ADAMTS19: variants seen among roughly 807,000 people sequenced by gnomAD.
The protein encoded by ADAMTS19 is A disintegrin and metalloproteinase with thrombospondin motifs 19.
ADAMTS19 carries 93 observed loss-of-function variants against 153.3 expected under a neutral mutation model. The observed-to-expected ratio is 0.61, with a 90% confidence interval of 0.51 to 0.72. ADAMTS19 has a LOEUF of 0.72. Among genes scored for constraint, ADAMTS19 ranks in the 30% least tolerant of loss-of-function variants. The probability of loss-of-function intolerance (pLI) is 0.00; values close to 1 mark genes in which losing one functional copy is unlikely to be tolerated. For synonymous variants in ADAMTS19, 600 were observed against 556.6 expected (o/e 1.08, Z -1.10); for missense variants, 1,482 against 1,552.1 (o/e 0.95, Z 0.76).
intron 7 of ADAMTS19, among the ~76,000 whole-genome samples, chr5:129,554,176 T>A (rs1753233811): frequency 6.6e-6 from 1 of 152,154 alleles, no homozygotes; most frequent in African/African-American, 2.4e-5. Flanking sequence ...CTATGGATTT[T>A]GGAACCAATC....
At chr5:129,587,429 G>A (rs946325720) in intron 7 of ADAMTS19, among the ~76,000 whole-genome samples, 3 of 151,642 alleles carry the variant, frequency 2.0e-5, no homozygotes, top group Admixed American at 6.6e-5. Flanking sequence ...ACCTGCTCAC[G>A]CAAGCCTGGT....
At position 129,526,376 on chromosome 5, in the gene ADAMTS19, G is replaced by A; in HGVS notation, c.1006G>A (p.Val336Ile). The change falls in exon 4 of 23, where the codon GTA (valine) becomes ATA (isoleucine). Residue 336 changes from valine (V) to isoleucine (I), a missense_variant. By Grantham distance (29) the Val-to-Ile change is conservative. Transcript: ENST00000274487. The stretch of plus-strand genomic sequence containing the variant: ...ACCTCAAGAATACAACATAGAGACT[G>A]TAGTGGTTGCAGACCCAGCAATGGT... ...KLPQEYNIETVVVADPAMVSY... is the reference protein window; with the variant it reads ...KLPQEYNIETIVVADPAMVSY... 6.2e-7 allele frequency: 1 copy of A among 1,605,252 alleles called. No homozygotes were observed. Among genetic ancestry groups the A allele is most frequent in the East Asian group, 2.3e-5 (1 of 44,012 alleles).
rs372713956 is a variant in ADAMTS19 at position 129,679,736 on chromosome 5, C to T, written c.2507-28C>T. On this transcript the variant is annotated intron_variant, in intron 16 of 22. Coordinates refer to ENST00000274487, the MANE Select transcript of ADAMTS19 (RefSeq NM_133638.6). ...GATCAATGAAGCTGACTTGTTAATA[C>T]TCATTATATTTTTGAACCTCTTTAT... 5.8e-6 allele frequency: 9 copies of T among 1,543,240 alleles called. No homozygotes were observed. In the South Asian group the frequency reaches 1.1e-4, roughly 19 times the overall value.
rs565286602 is a variant in ADAMTS19, at chr5:129,490,604, A to C, written c.748-18473A>C. On this transcript the variant is annotated intron_variant, in intron 2 of 22. Coordinates refer to ENST00000274487, the MANE Select transcript of ADAMTS19 (RefSeq NM_133638.6). ...ATTATTTTCAGTTGATACATCTACT[A>C]TCCTGCTTGTGAAATATAGAATAAA... 3.8e-4 allele frequency among the ~76,000 whole-genome samples: 58 copies of C among 152,324 alleles called. 1 individual carries two copies. Among genetic ancestry groups the C allele is most frequent in the African/African-American group, 1.3e-3 (54 of 41,568 alleles).
chr5:129,608,116 G>GTGTGTGTATA (rs377008786), intron 8 of ADAMTS19, among the ~76,000 whole-genome samples: 98 of 47,940 alleles, frequency 2.0e-3, no homozygotes, highest in African/African-American at 4.1e-3. Flanking sequence ...GTGTGTGTGT[G>GTGTGTGTATA]TATATATATA....
intron 7 of ADAMTS19, among the ~76,000 whole-genome samples, chr5:129,565,785 A>G (rs990758042): frequency 2.0e-5 from 3 of 152,012 alleles, no homozygotes; most frequent in Non-Finnish European, 4.4e-5. Context: ...AAGCCTTAGT[A>G]TTTTCTTCCA....
At chr5:129,676,778 T>A (rs1005528435) in intron 16 of ADAMTS19, among the ~76,000 whole-genome samples, 6 of 152,206 alleles carry the variant, frequency 3.9e-5, no homozygotes, top group Admixed American at 2.6e-4. Context: ...ATACCTAAAG[T>A]ATTGATTCTT....
intron 7 of ADAMTS19, among the ~76,000 whole-genome samples, chr5:129,563,926 C>T (rs934015196): frequency 6.7e-6 from 1 of 148,760 alleles, no homozygotes; most frequent in Non-Finnish European, 1.5e-5. Context: ...CCAGGTGAAA[C>T]TTTTTTTTTT....
At chr5:129,609,799 T>C (rs1436236827) in intron 8 of ADAMTS19, among the ~76,000 whole-genome samples, 3 of 152,156 alleles carry the variant, frequency 2.0e-5, no homozygotes, top group Admixed American at 1.3e-4. Flanking sequence ...AAGAGATAGC[T>C]TTCTGTTTGC....
chr5:129,528,530 A>G lies in ADAMTS19; in HGVS notation c.1181A>G (p.Tyr394Cys). The change falls in exon 6 of 23, where the codon TAT (tyrosine) becomes TGT (cysteine). Residue 394 changes from tyrosine to cysteine, a missense_variant. Transcript: ENST00000274487. ...TCTGTTCTTTTGCAGCCAGAACTATATATTGGGCATCATGGAGAAAAAATG... is the reference window on the plus strand; with the variant it reads ...TCTGTTCTTTTGCAGCCAGAACTATGTATTGGGCATCATGGAGAAAAAATG... ...ILLHETPPEL[Y>C]IGHHGEKMLE... 3 of 1,600,362 alleles carry G rather than the reference A, an allele frequency of 1.9e-6. No homozygotes were observed. The highest frequency in any genetic ancestry group is 2.2e-5 in the South Asian group (2 of 88,938).
At chr5:129,492,611 GA>G (rs371596035) in intron 2 of ADAMTS19, among the ~76,000 whole-genome samples, 84 of 150,184 alleles carry the variant, frequency 5.6e-4, no homozygotes, top group African/African-American at 1.8e-3. Flanking sequence ...TAATAAATTT[GA>G]AAAAAAAGAG....
intron 8 of ADAMTS19, among the ~76,000 whole-genome samples, chr5:129,608,395 T>C (rs2126947106): frequency 6.6e-6 from 1 of 151,796 alleles, no homozygotes; most frequent in Non-Finnish European, 1.5e-5. Flanking sequence ...AGTCACAAGA[T>C]GTATAAGTAC....
At chr5:129,560,093 T>A (rs894166949) in intron 7 of ADAMTS19, among the ~76,000 whole-genome samples, 2 of 152,230 alleles carry the variant, frequency 1.3e-5, no homozygotes, top group East Asian at 1.9e-4. Flanking sequence ...TAAGTGAGTA[T>A]AAAATCCCAG....
intron 6 of ADAMTS19, among the ~76,000 whole-genome samples, chr5:129,531,281 A>T (rs2126774541): frequency 6.6e-6 from 1 of 152,294 alleles, no homozygotes; most frequent in South Asian, 2.1e-4. Context: ...CTCCAGTACT[A>T]ATTTGTAAAG....
At chr5:129,586,155 T>C (rs934498960) in intron 7 of ADAMTS19, among the ~76,000 whole-genome samples, 8 of 152,230 alleles carry the variant, frequency 5.3e-5, no homozygotes, top group African/African-American at 1.9e-4. Context: ...ATTTTTACAA[T>C]TGGTGACCTT....
intron 15 of ADAMTS19, among the ~76,000 whole-genome samples, chr5:129,660,583 A>G (rs929486202): frequency 4.6e-5 from 7 of 152,140 alleles, no homozygotes; most frequent in Non-Finnish European, 4.4e-5. Context: ...CAGAAATACC[A>G]TTAAAAATCA....
intron 2 of ADAMTS19, among the ~76,000 whole-genome samples, chr5:129,487,769 A>G (rs1031494108): frequency 2.0e-5 from 3 of 152,098 alleles, no homozygotes; most frequent in African/African-American, 4.8e-5. Context: ...AATTAGTTTC[A>G]GTTTGTCTGT....
chr5:129,545,144 C>T (rs1469938493), intron 6 of ADAMTS19, among the ~76,000 whole-genome samples: 2 of 151,510 alleles, frequency 1.3e-5, no homozygotes, highest in African/African-American at 4.9e-5. Flanking sequence ...CAAGCATGTC[C>T]ACCTAATTAA....
At chr5:129,610,277 GTATTCTTTTTTATA>G (rs1751137640) in intron 8 of ADAMTS19, among the ~76,000 whole-genome samples, 1 of 151,786 alleles carries the variant, frequency 6.6e-6, no homozygotes, top group African/African-American at 2.4e-5. Flanking sequence ...AGAATGGAAG[GTATTCTTTTTTATA>G]TATTCTTTTT....
Sources: allele counts gnomAD v4.1 joint callset (sites outside exome capture counted in the v4.1 genomes callset), GRCh38; gene constraint gnomAD v4.1.1; transcripts MANE v1.5; gene names NCBI Gene and HGNC (gene_info 2026-07-23, HGNC 2026-07-21).